ZNF563: variants seen among roughly 807,000 people sequenced by gnomAD.
ZNF563 encodes zinc finger protein 563.
In ZNF563, 39 loss-of-function variants were observed where a neutral mutation model predicts 48.5. The observed-to-expected ratio is 0.80, with a 90% CI of 0.62 to 1.05. ZNF563 has a LOEUF of 1.05. Ranked by LOEUF, ZNF563 falls within the 50% of genes least tolerant of loss-of-function variation. The pLI is 0.00. For synonymous variants in ZNF563, 168 were observed against 187.9 expected, an observed-to-expected ratio of 0.89 and a Z score of 0.87; for missense variants, 538 against 597.0, an observed-to-expected ratio of 0.90 and a Z score of 1.03.
At chr19:12,322,450 G>A in intron 2 of ZNF563, 135 bp downstream of exon 2, 1 of 936,342 alleles carries the variant, frequency 1.1e-6, no homozygotes. Flanking sequence ...TTCTTTCAGG[G>A]CTGTCACCTC....
Position 12,319,514 on chromosome 19 carries a change from A to G in ZNF563, c.511T>C (p.Cys171Arg). ...RPHTGKKRYE[C>R]KECGKTFSSR... ...CTGAAGGTTTTTCCACATTCCTTAC[A>G]CTCATAGCGTTTCTTTCCAGTGTGA... Residue 171 changes from cysteine (C) to arginine (R), a missense_variant, in exon 4 of 4, where the codon TGT becomes CGT. Transcript: ENST00000293725. The G allele has an allele frequency of 6.2e-7, 1 of 1,614,176 alleles. No individual in the cohort carries two copies. Among genetic ancestry groups the G allele is most frequent in the Non-Finnish European group, 8.5e-7 (1 of 1,180,024 alleles).
chr19:12,320,274 T>C (rs2145799830), intron 3 of ZNF563, among the ~76,000 whole-genome samples: 1 of 152,168 alleles, frequency 6.6e-6, no homozygotes, highest in African/African-American at 2.4e-5. Flanking sequence ...TGTTTGAACA[T>C]GAATGAACTG....
At chr19:12,335,938 C>T (rs1969015592), upstream of ZNF563, among the ~76,000 whole-genome samples, 1 of 152,200 alleles carries the variant, frequency 6.6e-6, no homozygotes, top group Admixed American at 6.5e-5. Context: ...TCCAATTAAT[C>T]TGCCTTCTCT....
At chr19:12,344,620 A>G in the ZNF563 span, among the ~76,000 whole-genome samples, 1 of 152,210 alleles carries the variant, frequency 6.6e-6, no homozygotes, top group Non-Finnish European at 1.5e-5. Flanking sequence ...TAACATGGTC[A>G]ATTTGAAAGA....
chr19:12,321,399 G>A, intron 2 of ZNF563, 67 bp from the exon 3 acceptor site: 3 of 982,564 alleles, frequency 3.1e-6, no homozygotes, highest in Non-Finnish European at 4.3e-6. Context: ...AAGATTTTAT[G>A]TATACTGCAA....
the ZNF563 span, chr19:12,346,574 A>G: frequency 6.6e-6 from 1 of 152,232 alleles, no homozygotes; most frequent in Admixed American, 6.5e-5. Context: ...TGAACCAGCA[A>G]TTACACTCCT....
intron 1 of ZNF563, among the ~76,000 whole-genome samples, chr19:12,328,070 C>T (rs1282915087): frequency 1.5e-4 from 23 of 152,300 alleles, no homozygotes; most frequent in African/African-American, 5.1e-4. Context: ...TTCATTGATA[C>T]GTGTTTACAG....
chr19:12,324,651 A>C (rs888769992), intron 1 of ZNF563, among the ~76,000 whole-genome samples: 1 of 138,240 alleles, frequency 7.2e-6, no homozygotes, highest in African/African-American at 2.7e-5. Context: ...CAGGAGGCAG[A>C]GGTTGCGGTG....
chr19:12,342,551 T>C, the ZNF563 span, among the ~76,000 whole-genome samples: 3 of 150,508 alleles, frequency 2.0e-5, no homozygotes, highest in South Asian at 4.2e-4. Context: ...GATGGGAGGA[T>C]TGCTTGAGAC....
chr19:12,322,010 C>A (rs1037416432), intron 2 of ZNF563, among the ~76,000 whole-genome samples: 4 of 152,056 alleles, frequency 2.6e-5, no homozygotes, highest in African/African-American at 7.2e-5. Context: ...ACATGACTTA[C>A]AATATGTGGA....
At position 12,318,748 on chromosome 19, in the gene ZNF563, C is replaced by T. The variant is rs574179184; in HGVS notation, c.1277G>A (p.Cys426Tyr). The T allele has an allele frequency of 1.2e-6, 2 of 1,614,232 alleles. No homozygotes were observed. The highest frequency in any genetic ancestry group is 2.7e-5 in the African/African-American group (2 of 75,066). ...TGAGCTATGAGATAACGCTTTCCCA[C>T]ACTGCTTGCATTCATAGGGTTTCTC... The part of the protein sequence containing the change: ...SGEKPYECKQ[C>Y]GKALSHSSSF... Residue 426 changes from cysteine to tyrosine, a missense_variant, in exon 4 of 4, where the codon TGT (cysteine) becomes TAT (tyrosine). By Grantham distance (194) the Cys-to-Tyr change is radical (BLOSUM62 -2). Transcript: ENST00000293725.
At chr19:12,332,548 G>T (rs1302188510) in intron 1 of ZNF563, among the ~76,000 whole-genome samples, 3 of 151,874 alleles carry the variant, frequency 2.0e-5, no homozygotes, top group Non-Finnish European at 2.9e-5. Context: ...AAGGGGTTTC[G>T]CCATCTTGGC....
At chr19:12,328,705 G>T (rs10408097) in intron 1 of ZNF563, among the ~76,000 whole-genome samples, 16 of 152,088 alleles carry the variant, frequency 1.1e-4, no homozygotes, top group South Asian at 4.2e-4. Flanking sequence ...GGAGGTGGAG[G>T]TTGCGGTGAG....
intron 1 of ZNF563, among the ~76,000 whole-genome samples, chr19:12,327,877 C>A (rs751307428): frequency 2.0e-5 from 3 of 152,056 alleles, no homozygotes; most frequent in Non-Finnish European, 4.4e-5. Flanking sequence ...AATATTTATG[C>A]CCATAAAATA....
At position 12,318,495 on chromosome 19, in the gene ZNF563, C is replaced by G. The variant is rs548713383; in HGVS notation, c.*99G>C. 7.7e-7 allele frequency: 1 copy of G among 1,303,346 alleles called. No individual in the cohort carries two copies. The highest frequency in any genetic ancestry group is 1.5e-5 in the African/African-American group (1 of 67,284). 80.7% of individuals were successfully genotyped at this position (1,303,346 alleles called of 1,614,324 possible). ...TGAAAGGAATAAAAATTATGAAAGG[C>G]TTTCCCACATTTACATTTATAGGGT... is the stretch of plus-strand genomic sequence containing the variant. On this transcript the variant is annotated 3_prime_UTR_variant, in exon 4 of 4. Transcript: ENST00000293725.
chr19:12,342,504 G>A, the ZNF563 span, among the ~76,000 whole-genome samples: 2 of 151,692 alleles, frequency 1.3e-5, no homozygotes, highest in South Asian at 2.1e-4. Context: ...TGGGGGTGGT[G>A]CCTCAAACCT....
At chr19:12,323,389 A>C (rs1345796082) in intron 1 of ZNF563, among the ~76,000 whole-genome samples, 1 of 152,214 alleles carries the variant, frequency 6.6e-6, no homozygotes, top group Non-Finnish European at 1.5e-5. Flanking sequence ...TGAGTCTTGA[A>C]GGTTCAGAGC....
At chr19:12,342,963 C>A in the ZNF563 span, among the ~76,000 whole-genome samples, 1 of 150,608 alleles carries the variant, frequency 6.6e-6, no homozygotes, top group African/African-American at 2.4e-5. Flanking sequence ...TTTGGGAGGC[C>A]GAGGCGGGTG....
At chr19:12,332,899 C>A (rs75124903) in intron 1 of ZNF563, among the ~76,000 whole-genome samples, 2 of 152,146 alleles carry the variant, frequency 1.3e-5, no homozygotes, top group Non-Finnish European at 2.9e-5. Flanking sequence ...TATTTTACCC[C>A]GGCGTTACCG....
Sources: gnomAD v4.1 joint callset for allele counts (sites outside exome capture counted in the v4.1 genomes callset) on GRCh38, gnomAD v4.1.1 for gene constraint, MANE v1.5 for transcripts, NCBI Gene and HGNC (gene_info 2026-07-23, HGNC 2026-07-21) for gene names.